The following PPM1E variants were observed in gnomAD, a reference collection of about 807,000 sequenced individuals.
The protein encoded by PPM1E is protein phosphatase, Mg2+/Mn2+ dependent 1E.
PPM1E carries 20 observed loss-of-function variants against 65.9 expected under a neutral mutation model. The observed-to-expected ratio is 0.30, with a 90% CI of 0.21 to 0.44. The LOEUF (loss-of-function observed/expected upper bound fraction) is 0.44. Among genes scored for constraint, PPM1E ranks in the 20% least tolerant of loss-of-function variants. PPM1E has a pLI of 1.00. For synonymous variants in PPM1E, 352 were observed against 374.9 expected (o/e 0.94, Z 0.70); for missense variants, 713 against 953.1 (o/e 0.75, Z 3.32).
At chr17:58,930,976 G>T (rs1178742679) in intron 1 of PPM1E, among the ~76,000 whole-genome samples, 2 of 151,426 alleles carry the variant, frequency 1.3e-5, no homozygotes, top group Non-Finnish European at 2.9e-5. Flanking sequence ...CACTTTGGGA[G>T]GCTGAGGTGG....
chr17:58,921,954 T>G lies in PPM1E; in HGVS notation c.465-33695T>G, dbSNP rs567120879. Among the ~76,000 whole-genome samples, 4 of 150,462 alleles carry G rather than the reference T, an allele frequency of 2.7e-5. No individual in the cohort carries two copies. The South Asian group carries it at 8.4e-4, about 32-fold the overall frequency. ...ACTCGGGAGGCTGAGGCAGGAGAATTGCTTGAACCCGGGAGGCAGAGGTTG... is the reference window on the plus strand; with the variant it reads ...ACTCGGGAGGCTGAGGCAGGAGAATGGCTTGAACCCGGGAGGCAGAGGTTG... On this transcript the variant is annotated intron_variant, in intron 1 of 6. Coordinates refer to ENST00000308249, the MANE Select transcript of PPM1E (RefSeq NM_014906.5).
chr17:58,953,179 A>T (rs545208239), intron 1 of PPM1E, among the ~76,000 whole-genome samples: 1 of 152,308 alleles, frequency 6.6e-6, no homozygotes, highest in Admixed American at 6.5e-5. Flanking sequence ...TTCTCTTTTT[A>T]TGTTTTCTCC....
chr17:58,760,796 A>C (rs2049814100), intron 1 of PPM1E, among the ~76,000 whole-genome samples: 1 of 152,200 alleles, frequency 6.6e-6, no homozygotes, highest in Admixed American at 6.5e-5. Flanking sequence ...TCCCCAAACC[A>C]CCCTCAGATT....
chr17:58,789,121 A>G (rs1448647258), intron 1 of PPM1E, among the ~76,000 whole-genome samples: 1 of 152,220 alleles, frequency 6.6e-6, no homozygotes, highest in Non-Finnish European at 1.5e-5. Context: ...AATAAAAGCA[A>G]TTAAGTGATC....
intron 2 of PPM1E, among the ~76,000 whole-genome samples, chr17:58,962,575 T>G (rs2030067026): frequency 6.6e-6 from 1 of 152,134 alleles, no homozygotes; most frequent in African/African-American, 2.4e-5. Context: ...AGAGACCAGA[T>G]AGGTTGCAGT....
intron 1 of PPM1E, among the ~76,000 whole-genome samples, chr17:58,891,699 T>C (rs2051347120): frequency 6.6e-6 from 1 of 152,156 alleles, no homozygotes; most frequent in South Asian, 2.1e-4. Flanking sequence ...ACACATTTTA[T>C]ACCAGTAAAT....
chr17:58,796,363 CT>C (rs2050206021), intron 1 of PPM1E, among the ~76,000 whole-genome samples: 1 of 152,076 alleles, frequency 6.6e-6, no homozygotes, highest in East Asian at 1.9e-4. Context: ...TCCCATGGCA[CT>C]TTATTTATTT....
intron 1 of PPM1E, among the ~76,000 whole-genome samples, chr17:58,804,193 G>T (rs2050284319): frequency 6.6e-6 from 1 of 152,168 alleles, no homozygotes; most frequent in African/African-American, 2.4e-5. Flanking sequence ...TTCCCAAAGT[G>T]CTGGGATTAC....
At chr17:58,893,933 A>G (rs1177845259) in intron 1 of PPM1E, among the ~76,000 whole-genome samples, 1 of 151,920 alleles carries the variant, frequency 6.6e-6, no homozygotes, top group Non-Finnish European at 1.5e-5. Context: ...AATTAGCTGG[A>G]TGTGGTGGCA....
rs188677376 is a variant in PPM1E at position 58,870,193 on chromosome 17, C to G, written c.465-85456C>G. On this transcript the variant is annotated intron_variant, in intron 1 of 6. Transcript: ENST00000308249. ...AATGAGGGACAAAGAGAAGAAGGAGCTGAAGGAGAAGAAGAAATGTCAGGG... is the reference window on the plus strand; with the variant it reads ...AATGAGGGACAAAGAGAAGAAGGAGGTGAAGGAGAAGAAGAAATGTCAGGG... 6.6e-5 allele frequency among the ~76,000 whole-genome samples: 10 copies of G among 152,218 alleles called. No homozygotes were observed. The East Asian group carries it at 1.9e-3, about 29-fold the overall frequency.
intron 1 of PPM1E, among the ~76,000 whole-genome samples, chr17:58,769,411 A>G (rs1408413209): frequency 6.6e-6 from 1 of 152,134 alleles, no homozygotes; most frequent in Non-Finnish European, 1.5e-5. Context: ...CCTGGGCAAC[A>G]TGACAAAACC....
chr17:58,804,348 C>T (rs1353788900), intron 1 of PPM1E, among the ~76,000 whole-genome samples: 2 of 151,992 alleles, frequency 1.3e-5, no homozygotes, highest in African/African-American at 4.8e-5. Context: ...TATTTTTGAA[C>T]CTTGTTTTTA....
chr17:58,962,210 G>A (rs1268260092), intron 2 of PPM1E, among the ~76,000 whole-genome samples: 2 of 151,858 alleles, frequency 1.3e-5, no homozygotes, highest in African/African-American at 2.4e-5. Flanking sequence ...CTTGAACCTG[G>A]GAGGCGGAGG....
Position 58,980,076 on chromosome 17 carries a change from A to G in PPM1E, c.1313A>G (p.Tyr438Cys). The change falls in exon 7 of 7, where the codon TAT becomes TGT. Residue 438 changes from tyrosine (Y) to cysteine (C), a missense_variant. Physicochemically the swap from Tyr to Cys is radical, Grantham distance 194. Transcript: ENST00000308249. This position sits in a 1 kb window ranked among gnomAD's most constrained non-coding sequence, Gnocchi z 4.7. ...CTCATTCTGGCCTGTGATGGCTTCT[A>G]TGACACCGTGAACCCTGATGAGGCA... Reference protein sequence around the residue: ...DYLILACDGFYDTVNPDEAVK... With the variant: ...DYLILACDGFCDTVNPDEAVK... The G allele has an allele frequency of 1.2e-6, 2 of 1,614,128 alleles. No homozygotes were observed. The highest frequency in any genetic ancestry group is 1.6e-4 in the Middle Eastern group (1 of 6,062).
chr17:58,765,783 G>A (rs556412155), intron 1 of PPM1E, among the ~76,000 whole-genome samples: 1 of 151,734 alleles, frequency 6.6e-6, no homozygotes, highest in Non-Finnish European at 1.5e-5. Flanking sequence ...GATCACTATA[G>A]AAACATTACC....
intron 1 of PPM1E, among the ~76,000 whole-genome samples, chr17:58,871,816 CA>C (rs56173332): frequency 0.35 from 50,768 of 143,038 alleles, 8,913 homozygotes; most frequent in East Asian, 0.5. Flanking sequence ...GACCCTGTCT[CA>C]AAAAAAAAAA....
At chr17:58,875,134 G>A (rs371991634) in intron 1 of PPM1E, among the ~76,000 whole-genome samples, 1 of 152,064 alleles carries the variant, frequency 6.6e-6, no homozygotes, top group African/African-American at 2.4e-5. Flanking sequence ...TTTTAGATTA[G>A]TAAATTATTA....
intron 1 of PPM1E, among the ~76,000 whole-genome samples, chr17:58,932,556 A>G (rs2051915874): frequency 6.6e-6 from 1 of 152,188 alleles, no homozygotes; most frequent in Non-Finnish European, 1.5e-5. Context: ...ACAAACAAAC[A>G]AACAAACATG....
rs1246984978 is a variant in PPM1E, at chr17:58,981,122, C to T, written c.*91C>T. ...GGTAGACATTTCTAAAACATATGTG[C>T]TTCATTATGAATCCATGGATGGCTC... On this transcript the variant is annotated 3_prime_UTR_variant, in exon 7 of 7. Coordinates refer to ENST00000308249, the MANE Select transcript of PPM1E (RefSeq NM_014906.5). 1.0e-5 allele frequency: 9 copies of T among 879,148 alleles called. No homozygotes were observed. The East Asian group carries it at 1.8e-4, about 18-fold the overall frequency. 54.5% of individuals were successfully genotyped at this position (879,148 alleles called of 1,614,324 possible).
Sources: gnomAD v4.1 joint callset for allele counts (sites outside exome capture counted in the v4.1 genomes callset) on GRCh38, gnomAD v4.1.1 for gene constraint, Gnocchi (gnomAD v3.1) non-coding constraint, MANE v1.5 for transcripts, NCBI Gene and HGNC (gene_info 2026-07-23, HGNC 2026-07-21) for gene names.